The following RANBP2 variants were observed in gnomAD, a reference collection of about 807,000 sequenced individuals.
The protein encoded by RANBP2 is RAN binding protein 2, also known as E3 SUMO-protein ligase RanBP2.
Under a neutral mutation model 303.6 loss-of-function variants are expected in RANBP2, and 57 were observed. That is an observed-to-expected ratio of 0.19 (90% CI 0.15 to 0.23). RANBP2 has a LOEUF of 0.23. Among genes scored for constraint, RANBP2 ranks in the 10% least tolerant of loss-of-function variants. The probability of loss-of-function intolerance (pLI) is 1.00; values close to 1 mark genes in which losing one functional copy is unlikely to be tolerated. For synonymous variants in RANBP2, 1,167 were observed against 1,301.5 expected (o/e 0.90, Z 2.23); for missense variants, 3,138 against 3,780.8 (o/e 0.83, Z 4.46).
the RANBP2 span, among the ~76,000 whole-genome samples, chr2:108,855,272 C>T: frequency 2.0e-5 from 3 of 152,056 alleles, no homozygotes; most frequent in African/African-American, 7.2e-5. Context: ...TCCTCAAGGA[C>T]AATTTTTTAA....
At chr2:109,233,691 C>T in the RANBP2 span, among the ~76,000 whole-genome samples, 101 of 152,364 alleles carry the variant, frequency 6.6e-4, no homozygotes, top group Non-Finnish European at 1.2e-3. Context: ...ATGCAGAGCT[C>T]TATCCTTTTG....
At chr2:109,225,461 G>GGGACTGT in the RANBP2 span, among the ~76,000 whole-genome samples, 1 of 152,202 alleles carries the variant, frequency 6.6e-6, no homozygotes, top group African/African-American at 2.4e-5. Flanking sequence ...TAAAGATACA[G>GGGACTGT]GCCAGGCCGA....
chr2:108,943,648 G>A, the RANBP2 span, among the ~76,000 whole-genome samples: 7 of 152,296 alleles, frequency 4.6e-5, no homozygotes, highest in Non-Finnish European at 7.4e-5. Flanking sequence ...CGAAGACTCC[G>A]CGTATTTTCC....
chr2:109,064,199 G>T, the RANBP2 span, among the ~76,000 whole-genome samples: 16 of 152,190 alleles, frequency 1.1e-4, no homozygotes, highest in East Asian at 2.1e-3. Context: ...GCCGGGCGGG[G>T]TGGCTCACGC....
At chr2:109,268,373 C>T in the RANBP2 span, among the ~76,000 whole-genome samples, 2 of 151,860 alleles carry the variant, frequency 1.3e-5, no homozygotes, top group Non-Finnish European at 1.5e-5. Flanking sequence ...TGGGGATGTC[C>T]GTTTCACCCG....
At chr2:108,870,893 G>T in the RANBP2 span, among the ~76,000 whole-genome samples, 1 of 152,124 alleles carries the variant, frequency 6.6e-6, no homozygotes, top group East Asian at 1.9e-4. Context: ...GAGATGGATG[G>T]TTGCACAGTA....
chr2:108,949,838 C>T, the RANBP2 span, among the ~76,000 whole-genome samples: 2 of 152,210 alleles, frequency 1.3e-5, no homozygotes, highest in African/African-American at 4.8e-5. Context: ...TTCATGGTGC[C>T]TTAGAAGCAG....
At chr2:109,545,633 TTA>T in the RANBP2 span, 1,278 of 1,517,092 alleles carry the variant, frequency 8.4e-4, 4 homozygotes, top group Middle Eastern at 6.0e-3. Context: ...AAATACTATC[TTA>T]TGTCTATAAT....
the RANBP2 span, among the ~76,000 whole-genome samples, chr2:109,317,272 C>T: frequency 5.9e-5 from 9 of 152,144 alleles, no homozygotes; most frequent in African/African-American, 1.9e-4. Context: ...GCACAGATAG[C>T]GTCAAGTCTT....
At chr2:109,109,443 G>A in the RANBP2 span, among the ~76,000 whole-genome samples, 2 of 152,132 alleles carry the variant, frequency 1.3e-5, no homozygotes, top group Non-Finnish European at 2.9e-5. Context: ...ATTTTAAAAT[G>A]GCTTTTGTAT....
At chr2:109,628,217 T>C in the RANBP2 span, among the ~76,000 whole-genome samples, 5 of 152,074 alleles carry the variant, frequency 3.3e-5, no homozygotes, top group African/African-American at 9.7e-5. Flanking sequence ...ATTCCAGCTG[T>C]GTGCAGTGGC....
At chr2:108,846,915 A>C in the RANBP2 span, 1 of 1,598,804 alleles carries the variant, frequency 6.3e-7, no homozygotes, top group Non-Finnish European at 8.6e-7. Context: ...AATTGTTCTC[A>C]AAACAGTCAC....
the RANBP2 span, among the ~76,000 whole-genome samples, chr2:109,118,262 T>C: frequency 7.9e-5 from 12 of 151,946 alleles, no homozygotes; most frequent in Non-Finnish European, 1.2e-4. Context: ...AACTGCAACA[T>C]TTCACTCTGA....
chr2:109,138,569 G>A, the RANBP2 span, among the ~76,000 whole-genome samples: 1 of 152,172 alleles, frequency 6.6e-6, no homozygotes, highest in Non-Finnish European at 1.5e-5. Flanking sequence ...TTTTAGAGAG[G>A]GGTCAGGGCA....
At chr2:109,261,657 C>T in the RANBP2 span, among the ~76,000 whole-genome samples, 2 of 152,144 alleles carry the variant, frequency 1.3e-5, no homozygotes, top group Non-Finnish European at 2.9e-5. Flanking sequence ...GTGTGCTGGC[C>T]AGGCCCCATG....
chr2:109,579,871 A>G, the RANBP2 span, among the ~76,000 whole-genome samples: 7 of 151,942 alleles, frequency 4.6e-5, no homozygotes, highest in Non-Finnish European at 7.4e-5. Flanking sequence ...CTGTAATCCC[A>G]GCACTTTGGG....
the RANBP2 span, chr2:109,552,809 C>A: frequency 3.1e-6 from 1 of 319,404 alleles, no homozygotes; most frequent in Non-Finnish European, 5.7e-6. Flanking sequence ...ATGTGTGCAC[C>A]CAAGAGGGTA....
chr2:109,006,034 C>T, the RANBP2 span, among the ~76,000 whole-genome samples: 2 of 152,130 alleles, frequency 1.3e-5, no homozygotes, highest in African/African-American at 2.4e-5. Flanking sequence ...CCGGAAGTGG[C>T]GGTGTTGCTT....
At chr2:108,934,910 C>T in the RANBP2 span, among the ~76,000 whole-genome samples, 1 of 152,206 alleles carries the variant, frequency 6.6e-6, no homozygotes, top group Non-Finnish European at 1.5e-5. Flanking sequence ...CTGAGGCAGA[C>T]AAGGCTGCTG....
Sources: allele counts gnomAD v4.1 joint callset (sites outside exome capture counted in the v4.1 genomes callset), GRCh38; gene constraint gnomAD v4.1.1; transcripts MANE v1.5; gene names NCBI Gene and HGNC (gene_info 2026-07-23, HGNC 2026-07-21).